Variants in ROCK2 observed in about 807,000 individuals in gnomAD.
ROCK2 encodes the protein Rho associated coiled-coil containing protein kinase 2, also known as rho-associated protein kinase 2.
ROCK2 carries 61 observed loss-of-function variants against 195.1 expected under a neutral mutation model. That is an observed-to-expected ratio of 0.31 (90% CI 0.25 to 0.39). The LOEUF is 0.39. Ranked by LOEUF, ROCK2 falls within the 10% of genes least tolerant of loss-of-function variation. ROCK2 has a pLI of 1.00. For missense variants in ROCK2, 1,109 were observed against 1,637.4 expected, an observed-to-expected ratio of 0.68 and a Z score of 5.57; for synonymous variants, 504 against 545.5, an observed-to-expected ratio of 0.92 and a Z score of 1.06.
chr2:11,270,917 T>C (rs1164689293), intron 3 of ROCK2, among the ~76,000 whole-genome samples: 1 of 152,240 alleles, frequency 6.6e-6, no homozygotes, highest in Non-Finnish European at 1.5e-5. Flanking sequence ...CGGGACATGA[T>C]GCATTGAGTA....
chr2:11,322,175 T>C (rs1668420362), intron 1 of ROCK2, among the ~76,000 whole-genome samples: 1 of 152,096 alleles, frequency 6.6e-6, no homozygotes, highest in African/African-American at 2.4e-5. Context: ...AGATAATAAA[T>C]TTCCGTTATT....
At chr2:11,298,725 G>T (rs1028240316) in intron 1 of ROCK2, among the ~76,000 whole-genome samples, 2 of 152,092 alleles carry the variant, frequency 1.3e-5, no homozygotes, top group Admixed American at 1.3e-4. Flanking sequence ...CAGGTTATGA[G>T]AAGTCACACG....
intron 29 of ROCK2, 88 bp downstream of exon 29, chr2:11,194,168 A>T (rs1663537665): frequency 1.9e-6 from 1 of 538,170 alleles, no homozygotes; most frequent in South Asian, 4.4e-5. Context: ...TTACAGTAGG[A>T]GCTATACTAT....
chr2:11,278,230 C>A (rs1170965284), intron 3 of ROCK2, among the ~76,000 whole-genome samples: 1 of 152,198 alleles, frequency 6.6e-6, no homozygotes, highest in Non-Finnish European at 1.5e-5. Context: ...AAAGATCTCC[C>A]TAGCTGCTGG....
At position 11,192,079 on chromosome 2, in the gene ROCK2, G is replaced by C; in HGVS notation, c.4163+69C>G. The C allele has an allele frequency of 8.6e-7, 1 of 1,157,994 alleles. No homozygotes were observed. 71.7% of individuals were successfully genotyped at this position (1,157,994 alleles called of 1,614,324 possible). A position where few individuals can be genotyped will look rare whatever the true frequency, so the allele number is the denominator to read the frequency against. On this transcript the variant is annotated intron_variant, in intron 32 of 32. Transcript: ENST00000315872. The surrounding 1 kb of genome is among the most constrained non-coding windows in gnomAD (Gnocchi z 5.0). ...GGAAAACTAATTAGGAAAATTTGTA[G>C]TTTGAACATAAATAGCAAAATATTT... is the stretch of plus-strand genomic sequence containing the variant.
At chr2:11,190,312 G>C (rs1471782485) in intron 32 of ROCK2, among the ~76,000 whole-genome samples, 1 of 150,170 alleles carries the variant, frequency 6.7e-6, no homozygotes, top group Non-Finnish European at 1.5e-5. Flanking sequence ...GACAAAATGT[G>C]TTTTTTAAAA....
intron 4 of ROCK2, among the ~76,000 whole-genome samples, chr2:11,238,209 AGTGTGTGTGTGT>A (rs6146630): frequency 7.4e-6 from 1 of 135,266 alleles, no homozygotes; most frequent in Non-Finnish European, 1.6e-5. Flanking sequence ...ATTGAGAAAG[AGTGTGTGTGTGT>A]GTGTGTGTGT....
intron 20 of ROCK2, 87 bp from the exon 21 acceptor site, chr2:11,202,208 G>C (rs1452314981): frequency 9.4e-7 from 1 of 1,060,832 alleles, no homozygotes; most frequent in Non-Finnish European, 1.5e-6. Context: ...GGAAGCCCTG[G>C]GAGTCTCTGA....
chr2:11,312,269 C>G (rs978532330), intron 1 of ROCK2, among the ~76,000 whole-genome samples: 40 of 152,120 alleles, frequency 2.6e-4, no homozygotes, highest in Admixed American at 2.2e-3. Context: ...TAAAAAGGAG[C>G]TTTATTAAGG....
intron 4 of ROCK2, among the ~76,000 whole-genome samples, chr2:11,238,209 A>AGAGTGTGTGTGTGTGTGTGTGTGTGT (rs1553303927): frequency 2.2e-5 from 3 of 135,266 alleles, no homozygotes; most frequent in African/African-American, 8.8e-5. Context: ...ATTGAGAAAG[A>AGAGTGTGTGTGTGTGTGTGTGTGTGT]GTGTGTGTGT....
intron 1 of ROCK2, among the ~76,000 whole-genome samples, chr2:11,328,305 T>TC (rs1553319492): frequency 7.9e-5 from 12 of 151,876 alleles, no homozygotes; most frequent in Non-Finnish European, 1.3e-4. Flanking sequence ...ATGCTACATT[T>TC]GGGGGGGGAA....
At chr2:11,216,351 T>G in intron 12 of ROCK2, 145 bp from the exon 13 acceptor site, 1 of 635,724 alleles carries the variant, frequency 1.6e-6, no homozygotes, top group South Asian at 1.9e-5. Flanking sequence ...CAGACTGGAA[T>G]GCAGTGGCGC....
chr2:11,336,558 G>T (rs1248152142), intron 1 of ROCK2, among the ~76,000 whole-genome samples: 3 of 134,370 alleles, frequency 2.2e-5, no homozygotes, highest in African/African-American at 7.9e-5. Context: ...GCCAAGAAAT[G>T]ACTTTTGAAT....
At chr2:11,315,146 A>G (rs1395570661) in intron 1 of ROCK2, among the ~76,000 whole-genome samples, 2 of 152,058 alleles carry the variant, frequency 1.3e-5, no homozygotes, top group Admixed American at 1.3e-4. Flanking sequence ...ACTCTAGTAT[A>G]AGACACAAAC....
intron 1 of ROCK2, among the ~76,000 whole-genome samples, chr2:11,300,480 T>C (rs1572381256): frequency 6.6e-6 from 1 of 152,110 alleles, no homozygotes; most frequent in Non-Finnish European, 1.5e-5. Flanking sequence ...ACTAGGCTGG[T>C]CTCGAACTCC....
At chr2:11,326,736 A>G (rs1322802363) in intron 1 of ROCK2, among the ~76,000 whole-genome samples, 2 of 152,246 alleles carry the variant, frequency 1.3e-5, no homozygotes, top group East Asian at 1.9e-4. Flanking sequence ...GAAGAAAAGA[A>G]TAAGACCCAG....
At chr2:11,290,575 A>G (rs1472851638) in intron 1 of ROCK2, among the ~76,000 whole-genome samples, 3 of 152,242 alleles carry the variant, frequency 2.0e-5, no homozygotes, top group African/African-American at 7.2e-5. Context: ...AAATGACAGG[A>G]GAACATTTGA....
chr2:11,344,096 G>C lies in ROCK2; in HGVS notation c.41C>G (p.Pro14Arg). 1 of 1,523,990 alleles carries C rather than the reference G, an allele frequency of 6.6e-7. No individual in the cohort carries two copies. The highest frequency in any genetic ancestry group is 2.3e-5 in the Admixed American group (1 of 43,848). 94.4% of individuals were successfully genotyped at this position (1,523,990 alleles called of 1,614,324 possible). Reference sequence around the variant, plus strand: ...TGCCCCGTCCCCCGGCGCGGTCTCGGGGGCGCCGGGCATTTTCCCCGTCGG... The same window carrying C: ...TGCCCCGTCCCCCGGCGCGGTCTCGCGGGCGCCGGGCATTTTCCCCGTCGG... ...PPPTGKMPGAPETAPGDGAGA... is the reference protein window; with the variant it reads ...PPPTGKMPGARETAPGDGAGA... The change falls in exon 1 of 33, where the codon CCC (proline) becomes CGC (arginine). Residue 14 changes from proline (P) to arginine (R), a missense_variant. This residue lies in a region of ROCK2 where 64 missense variants were observed against 62.4 expected (regional missense o/e 1.03). Transcript: ENST00000315872. This position sits in a 1 kb window ranked among gnomAD's most constrained non-coding sequence, Gnocchi z 5.4.
chr2:11,314,597 T>C (rs900039344), intron 1 of ROCK2, among the ~76,000 whole-genome samples: 4 of 152,006 alleles, frequency 2.6e-5, no homozygotes, highest in African/African-American at 4.8e-5. Context: ...CATAGTTCCT[T>C]TTAGAACACT....
Sources: gnomAD v4.1 joint callset for allele counts (sites outside exome capture counted in the v4.1 genomes callset) on GRCh38, gnomAD v4.1.1 for gene constraint, gnomAD v4.1.1 regional missense constraint, Gnocchi (gnomAD v3.1) non-coding constraint, MANE v1.5 for transcripts, NCBI Gene and HGNC (gene_info 2026-07-23, HGNC 2026-07-21) for gene names.